Variants in GMDS observed in about 807,000 individuals in gnomAD.
GMDS encodes GDP-mannose 4,6 dehydratase.
GMDS carries 20 observed loss-of-function variants against 49.9 expected under a neutral mutation model. That is an observed-to-expected ratio of 0.40 (90% confidence interval 0.28 to 0.58). The LOEUF (loss-of-function observed/expected upper bound fraction) is 0.58, where lower values mean the gene tolerates loss of function less well. GMDS is among the 20% of genes least tolerant of loss of function. The probability of loss-of-function intolerance (pLI) is 0.42; values close to 1 mark genes in which losing one functional copy is unlikely to be tolerated. For missense variants in GMDS, 362 were observed against 481.4 expected (o/e 0.75, Z 2.32); for synonymous variants, 177 against 178.6 (o/e 0.99, Z 0.07).
chr6:2,039,246 A>G (rs1769500283), intron 4 of GMDS, among the ~76,000 whole-genome samples: 1 of 152,156 alleles, frequency 6.6e-6, no homozygotes, highest in Non-Finnish European at 1.5e-5. Flanking sequence ...CCATGAATGG[A>G]GCTTGCAGGA....
intron 4 of GMDS, among the ~76,000 whole-genome samples, chr6:1,999,125 C>T (rs888635162): frequency 1.3e-5 from 2 of 151,920 alleles, no homozygotes; most frequent in African/African-American, 4.8e-5. Context: ...AAATCGAGAC[C>T]AGCCTGGCCA....
At chr6:2,080,090 TCTAGA>T (rs1772589308) in intron 4 of GMDS, among the ~76,000 whole-genome samples, 1 of 152,204 alleles carries the variant, frequency 6.6e-6, no homozygotes, top group Non-Finnish European at 1.5e-5. Flanking sequence ...TTCTGCTTAA[TCTAGA>T]CTATTGTTGA....
chr6:1,839,512 C>A (rs986134357), intron 7 of GMDS, among the ~76,000 whole-genome samples: 1 of 152,086 alleles, frequency 6.6e-6, no homozygotes, highest in African/African-American at 2.4e-5. Context: ...TGGAGCTGAG[C>A]CCAAGCACTG....
chr6:1,924,780 G>T (rs986344067), intron 7 of GMDS, among the ~76,000 whole-genome samples: 2 of 152,152 alleles, frequency 1.3e-5, no homozygotes, highest in African/African-American at 2.4e-5. Context: ...TGAAAATGGC[G>T]CATTGCCACT....
Position 2,110,497 on chromosome 6 carries a change from C to T in GMDS, c.345+5274G>A, listed in dbSNP as rs114669333. ...TCTCATCCCTCCTAGATTCTAACTTCGTGCCAGGTCACTAACGCACTGGCC... is the reference window on the plus strand; with the variant it reads ...TCTCATCCCTCCTAGATTCTAACTTTGTGCCAGGTCACTAACGCACTGGCC... On this transcript the variant is annotated intron_variant, in intron 4 of 10. Coordinates refer to ENST00000380815, the MANE Select transcript of GMDS (RefSeq NM_001500.4). Among the ~76,000 whole-genome samples, 896 of 152,244 alleles carry T rather than the reference C, an allele frequency of 5.9e-3. 8 individuals are homozygous for T. The highest frequency in any genetic ancestry group is 0.02 in the African/African-American group (838 of 41,534).
At position 2,070,342 on chromosome 6, in the gene GMDS, G is replaced by A. The variant is rs1771912360; in HGVS notation, c.345+45429C>T. Among the ~76,000 whole-genome samples, 3 of 151,262 alleles carry A rather than the reference G, an allele frequency of 2.0e-5. No individual in the cohort carries two copies. In the South Asian group the frequency reaches 6.3e-4, roughly 32 times the overall value. Reference sequence around the variant, plus strand: ...TAGATGACGAGTTAGTGGGTGCAGTGCACCAGCATGGCACATGTATACATA... The same window carrying A: ...TAGATGACGAGTTAGTGGGTGCAGTACACCAGCATGGCACATGTATACATA... On this transcript the variant is annotated intron_variant, in intron 4 of 10. Coordinates refer to ENST00000380815, the MANE Select transcript of GMDS (RefSeq NM_001500.4).
chr6:1,673,183 G>A (rs76880684), intron 9 of GMDS, among the ~76,000 whole-genome samples: 4,245 of 152,202 alleles, frequency 0.028, 185 homozygotes, highest in African/African-American at 0.097. Flanking sequence ...ATCTCAGGCT[G>A]TCCAGCCTGC....
At chr6:1,711,070 A>G (rs978781080) in intron 9 of GMDS, among the ~76,000 whole-genome samples, 1 of 152,214 alleles carries the variant, frequency 6.6e-6, no homozygotes, top group Non-Finnish European at 1.5e-5. Flanking sequence ...GACAGGCACA[A>G]TTCCCTACAA....
At chr6:2,069,274 G>C (rs990919618) in intron 4 of GMDS, among the ~76,000 whole-genome samples, 3 of 152,144 alleles carry the variant, frequency 2.0e-5, no homozygotes, top group Non-Finnish European at 1.5e-5. Flanking sequence ...ATTCAAGATG[G>C]ATTAAAGACT....
intron 4 of GMDS, among the ~76,000 whole-genome samples, chr6:2,012,422 A>ATT (rs1767619337): frequency 1.3e-5 from 2 of 152,128 alleles, no homozygotes; most frequent in Non-Finnish European, 2.9e-5. Flanking sequence ...ATGAAGACAG[A>ATT]TTGGTTAAAA....
intron 7 of GMDS, among the ~76,000 whole-genome samples, chr6:1,759,930 A>G (rs1264181378): frequency 7.6e-6 from 1 of 131,080 alleles, no homozygotes. Context: ...TTCGGTTTCC[A>G]TGGATGGAGA....
intron 4 of GMDS, among the ~76,000 whole-genome samples, chr6:2,039,186 A>C (rs1304948863): frequency 6.6e-6 from 1 of 152,216 alleles, no homozygotes; most frequent in Non-Finnish European, 1.5e-5. Flanking sequence ...AAAGTACAGT[A>C]AAAGTACAGT....
chr6:1,696,455 T>C (rs1286636459), intron 9 of GMDS, among the ~76,000 whole-genome samples: 1 of 152,234 alleles, frequency 6.6e-6, no homozygotes, highest in Non-Finnish European at 1.5e-5. Context: ...GCTTTGTTTC[T>C]CCTCCACTTA....
Position 2,062,723 on chromosome 6 carries a change from T to TA in GMDS, c.345+53047dup, listed in dbSNP as rs1771262436. On this transcript the variant is annotated intron_variant, in intron 4 of 10. Transcript: ENST00000380815. ...AAATGTCAATGCCTTGATTTTATCT[T>TA]AAAAAGAAGTTAATAGCATTAGTCT... Among the ~76,000 whole-genome samples the TA allele has an allele frequency of 2.0e-5, 3 of 152,334 alleles. No individual in the cohort carries two copies. In the South Asian group the frequency reaches 6.2e-4, roughly 32 times the overall value.
intron 1 of GMDS, among the ~76,000 whole-genome samples, chr6:2,195,177 C>T (rs531922269): frequency 1.6e-4 from 25 of 152,192 alleles, no homozygotes; most frequent in South Asian, 4.1e-4. Flanking sequence ...AAAGAAAAAA[C>T]GGATTTGAAT....
Position 1,628,243 on chromosome 6 carries a change from G to A in GMDS, c.988-3703C>T, listed in dbSNP as rs185944963. Among the ~76,000 whole-genome samples the A allele has an allele frequency of 1.4e-4, 22 of 152,260 alleles. No individual in the cohort carries two copies. The South Asian group carries it at 1.7e-3, about 11-fold the overall frequency. On this transcript the variant is annotated intron_variant, in intron 9 of 10. Coordinates refer to ENST00000380815, the MANE Select transcript of GMDS (RefSeq NM_001500.4). Reference sequence around the variant, plus strand: ...TGTTTCTGAGCCCACAGTAGTTAACGCAAACTCCAGAAAAGGAGAGACCAT... The same window carrying A: ...TGTTTCTGAGCCCACAGTAGTTAACACAAACTCCAGAAAAGGAGAGACCAT...
intron 9 of GMDS, among the ~76,000 whole-genome samples, chr6:1,636,878 G>A (rs1763168472): frequency 6.6e-6 from 1 of 152,228 alleles, no homozygotes; most frequent in Non-Finnish European, 1.5e-5. Context: ...GCCTGGCCCT[G>A]TAGCACAAGC....
At chr6:2,209,969 C>G (rs192143696) in intron 1 of GMDS, among the ~76,000 whole-genome samples, 2 of 152,142 alleles carry the variant, frequency 1.3e-5, no homozygotes, top group African/African-American at 4.8e-5. Flanking sequence ...AACAAGACAG[C>G]CTTAACATAT....
intron 4 of GMDS, among the ~76,000 whole-genome samples, chr6:2,111,046 C>CT (rs559677727): frequency 2.1e-3 from 322 of 152,324 alleles, no homozygotes; most frequent in Non-Finnish European, 2.7e-3. Context: ...ACTAGGTTCA[C>CT]TGTAGAAAGA....
Sources: gnomAD v4.1 joint callset for allele counts (sites outside exome capture counted in the v4.1 genomes callset) on GRCh38, gnomAD v4.1.1 for gene constraint, MANE v1.5 for transcripts, NCBI Gene and HGNC (gene_info 2026-07-23, HGNC 2026-07-21) for gene names.